Variants in ELAVL4 observed in about 807,000 individuals in gnomAD.
ELAVL4 encodes the protein ELAV like RNA binding protein 4.
In ELAVL4, 1 loss-of-function variant was observed where a neutral mutation model predicts 35.6. The observed-to-expected ratio is 0.03, with a 90% confidence interval of 0.01 to 0.13. The LOEUF (loss-of-function observed/expected upper bound fraction) is 0.13, where lower values mean the gene tolerates loss of function less well. Among genes scored for constraint, ELAVL4 ranks in the 10% least tolerant of loss-of-function variants. The pLI is 1.00. For synonymous variants in ELAVL4, 156 were observed against 171.0 expected (o/e 0.91, Z 0.69); for missense variants, 267 against 464.9 (o/e 0.57, Z 3.91).
At position 50,201,694 on chromosome 1, in the gene ELAVL4, C is replaced by T. The variant is rs1160916947; in HGVS notation, c.*516C>T. On this transcript the variant is annotated 3_prime_UTR_variant, in exon 7 of 7. Coordinates refer to ENST00000371824, the MANE Select transcript of ELAVL4 (RefSeq NM_001144774.3). The surrounding 1 kb of genome is among the most constrained non-coding windows in gnomAD (Gnocchi z 4.3). ...CCAATCAGATTGGTAAAAACCCCCA[C>T]ACAAATTAAAGAGGAATAATAAAAA... is the stretch of plus-strand genomic sequence containing the variant. 6.6e-6 allele frequency: 1 copy of T among 151,882 alleles called. No individual in the cohort carries two copies. Among genetic ancestry groups the T allele is most frequent in the Non-Finnish European group, 1.5e-5 (1 of 67,940 alleles). 9.4% of individuals were successfully genotyped at this position (151,882 alleles called of 1,614,324 possible).
intron 1 of ELAVL4, among the ~76,000 whole-genome samples, chr1:50,067,481 A>G (rs1343806970): frequency 6.6e-6 from 1 of 152,222 alleles, no homozygotes; most frequent in Non-Finnish European, 1.5e-5. Context: ...TAGGGAAGAT[A>G]TATGTATGTA....
chr1:50,121,505 T>A (rs1420898616), intron 1 of ELAVL4, among the ~76,000 whole-genome samples: 1 of 152,100 alleles, frequency 6.6e-6, no homozygotes, highest in Non-Finnish European at 1.5e-5. Context: ...TTTGCTTCAG[T>A]TACCTATGTT....
At chr1:50,189,628 GT>G (rs199716129) in intron 3 of ELAVL4, among the ~76,000 whole-genome samples, 59 of 152,186 alleles carry the variant, frequency 3.9e-4, no homozygotes, top group African/African-American at 1.2e-3. Context: ...TTTTTTGGGG[GT>G]TTTTTTCCGG....
intron 1 of ELAVL4, among the ~76,000 whole-genome samples, chr1:50,088,020 G>A (rs949183604): frequency 7.2e-5 from 11 of 152,208 alleles, no homozygotes; most frequent in African/African-American, 2.7e-4. Context: ...AGATCATTGA[G>A]GCTGATCTGT....
In ELAVL4 at chr1:50,192,463, T is replaced by A. The variant is rs116767315; in HGVS notation, c.355-1302T>A. Among the ~76,000 whole-genome samples, 463 of 151,584 alleles carry A rather than the reference T, an allele frequency of 3.1e-3. 4 individuals are homozygous for A. The highest frequency in any genetic ancestry group is 0.011 in the African/African-American group (438 of 41,334). On this transcript the variant is annotated intron_variant, in intron 3 of 6. Coordinates refer to ENST00000371824, the MANE Select transcript of ELAVL4 (RefSeq NM_001144774.3). Reference sequence around the variant, plus strand: ...ACTGCTGGAGGTTTAGGTCTTAATGTCAAAGGTCTGGTTTAATGTGTTCAA... The same window carrying A: ...ACTGCTGGAGGTTTAGGTCTTAATGACAAAGGTCTGGTTTAATGTGTTCAA...
At chr1:50,074,702 T>C (rs1050025691) in intron 1 of ELAVL4, among the ~76,000 whole-genome samples, 2 of 152,104 alleles carry the variant, frequency 1.3e-5, no homozygotes, top group African/African-American at 4.8e-5. Flanking sequence ...TGGAGCTAAA[T>C]CTTAAAGATG....
chr1:50,061,239 T>C (rs1360848064), intron 1 of ELAVL4, among the ~76,000 whole-genome samples: 4 of 152,218 alleles, frequency 2.6e-5, no homozygotes, highest in African/African-American at 7.2e-5. Flanking sequence ...GGTTTGACTC[T>C]TTGCTGGGCT....
rs188735271 is a variant in ELAVL4, at chr1:50,144,847, T to C, written c.10-110T>C. 2.6e-5 allele frequency: 39 copies of C among 1,518,358 alleles called. No individual in the cohort carries two copies. The East Asian group carries it at 8.5e-4, about 33-fold the overall frequency. 94.1% of individuals were successfully genotyped at this position (1,518,358 alleles called of 1,614,324 possible). On this transcript the variant is annotated intron_variant, in intron 1 of 6. Transcript: ENST00000371824. Reference sequence around the variant, plus strand: ...GTTCACAACCCAGTCTCTTGCTCCATCTTGCTTTATCTTCTTCTCTTTCTT... The same window carrying C: ...GTTCACAACCCAGTCTCTTGCTCCACCTTGCTTTATCTTCTTCTCTTTCTT...
chr1:50,192,705 C>T (rs867457954), intron 3 of ELAVL4, among the ~76,000 whole-genome samples: 75 of 152,296 alleles, frequency 4.9e-4, no homozygotes, highest in Middle Eastern at 3.4e-3. Context: ...TTTTCATCAT[C>T]TATTCTGAGC....
intron 1 of ELAVL4, among the ~76,000 whole-genome samples, chr1:50,087,840 G>C (rs1009096018): frequency 2.0e-5 from 3 of 152,144 alleles, no homozygotes; most frequent in African/African-American, 7.2e-5. Flanking sequence ...CAACCATGCT[G>C]GCACCCTTAT....
intron 2 of ELAVL4, among the ~76,000 whole-genome samples, chr1:50,163,117 G>A (rs1677092100): frequency 6.6e-6 from 1 of 152,170 alleles, no homozygotes; most frequent in South Asian, 2.1e-4. Flanking sequence ...GGTGCTCATT[G>A]TGTCCTCTCC....
chr1:50,144,590 A>G (rs919001532), intron 1 of ELAVL4: 2 of 473,528 alleles, frequency 4.2e-6, no homozygotes, highest in South Asian at 1.6e-5. Flanking sequence ...CTTTAATGGA[A>G]CTATAATTTT....
intron 1 of ELAVL4, among the ~76,000 whole-genome samples, chr1:50,129,195 A>G (rs1670451036): frequency 6.6e-6 from 1 of 152,008 alleles, no homozygotes; most frequent in Non-Finnish European, 1.5e-5. Context: ...TGTTATCTCT[A>G]CACTTCCCAC....
At chr1:50,079,428 T>C (rs1664912253) in intron 1 of ELAVL4, among the ~76,000 whole-genome samples, 1 of 152,176 alleles carries the variant, frequency 6.6e-6, no homozygotes, top group South Asian at 2.1e-4. Flanking sequence ...GCCCCTTCCA[T>C]GAGAAGCTCT....
chr1:50,156,046 C>A (rs1675680809), intron 2 of ELAVL4, among the ~76,000 whole-genome samples: 1 of 151,768 alleles, frequency 6.6e-6, no homozygotes, highest in East Asian at 1.9e-4. Flanking sequence ...CACACACACA[C>A]ACACATCCCC....
intron 1 of ELAVL4, among the ~76,000 whole-genome samples, chr1:50,085,111 A>AAGCACTGTG: frequency 6.6e-6 from 1 of 152,072 alleles, no homozygotes; most frequent in South Asian, 2.1e-4. Context: ...GTATACAACT[A>AAGCACTGTG]TAAGCACTGT....
intron 3 of ELAVL4, among the ~76,000 whole-genome samples, chr1:50,185,237 T>C (rs937788085): frequency 6.6e-6 from 1 of 152,334 alleles, no homozygotes; most frequent in Non-Finnish European, 1.5e-5. Flanking sequence ...TCTCCCCTTT[T>C]GTCCATTCAA....
chr1:50,120,297 T>A (rs551686290), intron 1 of ELAVL4, among the ~76,000 whole-genome samples: 1 of 151,850 alleles, frequency 6.6e-6, no homozygotes, highest in African/African-American at 2.4e-5. Context: ...CCAGGGAAAC[T>A]GGATAGATGG....
At chr1:50,177,913 A>G (rs1415730174) in intron 3 of ELAVL4, among the ~76,000 whole-genome samples, 1 of 152,228 alleles carries the variant, frequency 6.6e-6, no homozygotes, top group Non-Finnish European at 1.5e-5. Context: ...AAAGAAAAAC[A>G]GTAACCCAGA....
Sources: gnomAD v4.1 joint callset for allele counts (sites outside exome capture counted in the v4.1 genomes callset) on GRCh38, gnomAD v4.1.1 for gene constraint, Gnocchi (gnomAD v3.1) non-coding constraint, MANE v1.5 for transcripts, NCBI Gene and HGNC (gene_info 2026-07-23, HGNC 2026-07-21) for gene names.